The following TUSC3 variants were observed in gnomAD, a reference collection of about 807,000 sequenced individuals.
TUSC3 encodes the protein dolichyl-diphosphooligosaccharide--protein glycosyltransferase subunit TUSC3.
Under a neutral mutation model 44.8 loss-of-function variants are expected in TUSC3, and 45 were observed. The observed-to-expected ratio is 1.00, with a 90% CI of 0.79 to 1.29. TUSC3 has a LOEUF of 1.29. TUSC3 is among the 50% of genes most tolerant of loss of function. The pLI is 0.00. For synonymous variants in TUSC3, 212 were observed against 152.9 expected, an observed-to-expected ratio of 1.39 and a Z score of -2.85; for missense variants, 519 against 437.9, an observed-to-expected ratio of 1.19 and a Z score of -1.65.
At chr8:15,656,582 G>C (rs1299953040) in intron 3 of TUSC3, among the ~76,000 whole-genome samples, 2 of 152,122 alleles carry the variant, frequency 1.3e-5, no homozygotes, top group Admixed American at 1.3e-4. Context: ...TCAAGGCCTT[G>C]GGCAGCCCCA....
chr8:15,467,169 T>G (rs969739658), intron 1 of TUSC3, among the ~76,000 whole-genome samples: 1 of 151,802 alleles, frequency 6.6e-6, no homozygotes, highest in Non-Finnish European at 1.5e-5. Flanking sequence ...GACAACACTG[T>G]TAGGGTGTTT....
At chr8:15,782,926 C>T in the TUSC3 span, among the ~76,000 whole-genome samples, 11 of 152,008 alleles carry the variant, frequency 7.2e-5, no homozygotes, top group African/African-American at 2.4e-4. Context: ...AAAGGAAGAG[C>T]GAATTGTGTC....
At chr8:15,591,763 G>T (rs1441803065) in intron 1 of TUSC3, among the ~76,000 whole-genome samples, 1 of 152,136 alleles carries the variant, frequency 6.6e-6, no homozygotes, top group Non-Finnish European at 1.5e-5. Flanking sequence ...GTGAGCCAAG[G>T]GGAAAGTGGT....
At position 15,655,209 on chromosome 8, in the gene TUSC3, G is replaced by T. The variant is rs137899049; in HGVS notation, c.427-4298G>T. On this transcript the variant is annotated intron_variant, in intron 3 of 10. Coordinates refer to ENST00000503731, the MANE Select transcript of TUSC3 (RefSeq NM_006765.4). Reference sequence around the variant, plus strand: ...AGGAAAGGCAGTCTCCCAGTAAATAGAAAACACCTGAAGATGGTGATTAGC... The same window carrying T: ...AGGAAAGGCAGTCTCCCAGTAAATATAAAACACCTGAAGATGGTGATTAGC... Among the ~76,000 whole-genome samples the T allele has an allele frequency of 4.9e-3, 741 of 152,266 alleles. 6 individuals are homozygous for T. Among genetic ancestry groups the T allele is most frequent in the African/African-American group, 0.017 (704 of 41,540 alleles).
At chr8:15,482,977 C>T (rs911297027) in intron 1 of TUSC3, among the ~76,000 whole-genome samples, 7 of 151,528 alleles carry the variant, frequency 4.6e-5, no homozygotes, top group Admixed American at 3.3e-4. Flanking sequence ...GGTAATTAAG[C>T]TGTAGAAAAA....
intron 6 of TUSC3, among the ~76,000 whole-genome samples, chr8:15,706,992 A>G (rs963417396): frequency 6.6e-6 from 1 of 151,900 alleles, no homozygotes; most frequent in Non-Finnish European, 1.5e-5. Flanking sequence ...ATAAGTCATC[A>G]TTTGTTGCTA....
chr8:15,816,757 G>A, the TUSC3 span, among the ~76,000 whole-genome samples: 1 of 152,090 alleles, frequency 6.6e-6, no homozygotes, highest in Admixed American at 6.6e-5. Flanking sequence ...CAGAGAAACG[G>A]CATGTTTTTA....
chr8:15,694,235 G>C (rs1417304125), intron 6 of TUSC3, among the ~76,000 whole-genome samples: 1 of 151,902 alleles, frequency 6.6e-6, no homozygotes, highest in African/African-American at 2.4e-5. Context: ...CTGAGGTCAG[G>C]AGTTTCATAC....
At chr8:15,758,923 T>A (rs2129223608) in intron 10 of TUSC3, among the ~76,000 whole-genome samples, 1 of 152,304 alleles carries the variant, frequency 6.6e-6, no homozygotes, top group African/African-American at 2.4e-5. Context: ...TAGATTTCTT[T>A]AGGCCTTTTT....
chr8:15,577,978 CTT>C (rs1356946496), intron 1 of TUSC3, among the ~76,000 whole-genome samples: 1 of 149,616 alleles, frequency 6.7e-6, no homozygotes, highest in Non-Finnish European at 1.5e-5. Flanking sequence ...TTTGTATCCT[CTT>C]TTATTTCCTT....
the TUSC3 span, among the ~76,000 whole-genome samples, chr8:15,840,931 A>G: frequency 6.6e-6 from 1 of 152,192 alleles, no homozygotes; most frequent in African/African-American, 2.4e-5. Context: ...GGTTGAAGTA[A>G]AAAATTCTTT....
At chr8:15,696,140 C>G (rs543641136) in intron 6 of TUSC3, among the ~76,000 whole-genome samples, 1 of 152,284 alleles carries the variant, frequency 6.6e-6, no homozygotes, top group Non-Finnish European at 1.5e-5. Flanking sequence ...GCAGCCTTTC[C>G]CATCACAGGC....
At chr8:15,447,706 TTAC>T (rs1800125129) in intron 1 of TUSC3, among the ~76,000 whole-genome samples, 2 of 151,970 alleles carry the variant, frequency 1.3e-5, no homozygotes, top group African/African-American at 4.8e-5. Context: ...TTTTTTTTTT[TTAC>T]TTACTTTTAT....
At chr8:15,581,966 G>C (rs112094822) in intron 1 of TUSC3, among the ~76,000 whole-genome samples, 4 of 151,130 alleles carry the variant, frequency 2.6e-5, no homozygotes, top group Non-Finnish European at 5.9e-5. Context: ...GCGAGATTCC[G>C]TGGGCGTAGG....
At chr8:15,626,592 T>C (rs73193401) in intron 2 of TUSC3, among the ~76,000 whole-genome samples, 33,988 of 152,132 alleles carry the variant, frequency 0.22, 3,992 homozygotes, top group South Asian at 0.39. Context: ...CAGGCATCTC[T>C]CTGCACTCTC....
chr8:15,541,293 T>C (rs112256089), intron 1 of TUSC3, among the ~76,000 whole-genome samples: 2,691 of 152,328 alleles, frequency 0.018, 76 homozygotes, highest in African/African-American at 0.062. Context: ...GTATTTAAAG[T>C]AGGTGGAGTG....
At chr8:15,512,547 C>T (rs1003594184) in intron 2 of TUSC3, among the ~76,000 whole-genome samples, 1 of 152,172 alleles carries the variant, frequency 6.6e-6, no homozygotes, top group East Asian at 1.9e-4. Context: ...CTGAGGTGGG[C>T]AGATCACTTG....
chr8:15,798,295 T>C, the TUSC3 span, among the ~76,000 whole-genome samples: 1 of 152,226 alleles, frequency 6.6e-6, no homozygotes, highest in Non-Finnish European at 1.5e-5. Context: ...GAGCTGAATC[T>C]AGACCCATTT....
intron 1 of TUSC3, among the ~76,000 whole-genome samples, chr8:15,610,343 C>G (rs1431069448): frequency 6.6e-6 from 1 of 152,060 alleles, no homozygotes; most frequent in African/African-American, 2.4e-5. Context: ...CATTAGAATT[C>G]TTAAAATTAT....
Sources: allele counts gnomAD v4.1 joint callset (sites outside exome capture counted in the v4.1 genomes callset), GRCh38; gene constraint gnomAD v4.1.1; transcripts MANE v1.5; gene names NCBI Gene and HGNC (gene_info 2026-07-23, HGNC 2026-07-21).